Variants in RASGRP3 observed in about 807,000 individuals in gnomAD.
RASGRP3 encodes the protein ras guanyl-releasing protein 3.
RASGRP3 carries 54 observed loss-of-function variants against 82.7 expected under a neutral mutation model. That is an observed-to-expected ratio of 0.65 (90% confidence interval 0.52 to 0.82). The LOEUF is 0.82. Ranked by LOEUF, RASGRP3 falls within the 40% of genes least tolerant of loss-of-function variation. The pLI is 0.00. For missense variants in RASGRP3, 861 were observed against 828.9 expected (o/e 1.04, Z -0.48); for synonymous variants, 309 against 300.5 (o/e 1.03, Z -0.29).
chr2:33,561,131 A>G (rs919377297), intron 17 of RASGRP3, among the ~76,000 whole-genome samples: 9 of 151,630 alleles, frequency 5.9e-5, no homozygotes, highest in African/African-American at 2.2e-4. Context: ...CAGTGGCACA[A>G]TCTTAGCTCA....
rs545788438 is a variant in RASGRP3, at chr2:33,527,813, G to A, written c.1083+401G>A. 3.4e-4 allele frequency among the ~76,000 whole-genome samples: 52 copies of A among 152,302 alleles called. 1 individual carries two copies. The highest frequency in any genetic ancestry group is 2.7e-3 in the Admixed American group (42 of 15,302). ...TTGGCTGAAGCCTGGAGTAATGCAA[G>A]GACCTTATCTGTGATCCCCCTGTTC... On this transcript the variant is annotated intron_variant, in intron 10 of 17. Transcript: ENST00000403687.
intron 1 of RASGRP3, among the ~76,000 whole-genome samples, chr2:33,446,835 A>G (rs939426476): frequency 7.2e-5 from 11 of 151,984 alleles, no homozygotes; most frequent in African/African-American, 2.7e-4. Flanking sequence ...TTAAAAAAAT[A>G]TATCAATAGA....
At chr2:33,499,182 A>G (rs1475514666) in intron 1 of RASGRP3, among the ~76,000 whole-genome samples, 1 of 152,112 alleles carries the variant, frequency 6.6e-6, no homozygotes, top group African/African-American at 2.4e-5. Context: ...TCCTAGCCCA[A>G]TCCTGGACAG....
At position 33,522,003 on chromosome 2, in the gene RASGRP3, C is replaced by A; in HGVS notation, c.417C>A (p.Ser139=). 6.2e-7 allele frequency: 1 copy of A among 1,613,834 alleles called. No individual in the cohort carries two copies. The highest frequency in any genetic ancestry group is 8.5e-7 in the Non-Finnish European group (1 of 1,179,816). ...GAGTCACACAGAGGAAAAAAGTATC[C>A]AAGAAGGGAAAAGCCTGTCTGCTGT... ...MRRVTQRKKV[S]KKGKACLLFD... is the part of the protein sequence containing the mutation. Residue 139 remains serine, a synonymous_variant, in exon 7 of 18, where the codon TCC becomes TCA. Transcript: ENST00000403687.
At chr2:33,487,038 G>T (rs908653106) in intron 1 of RASGRP3, among the ~76,000 whole-genome samples, 1 of 152,004 alleles carries the variant, frequency 6.6e-6, no homozygotes. Context: ...TCAATTCATG[G>T]TCATTCTTAT....
chr2:33,499,429 C>G (rs776117317), intron 1 of RASGRP3, among the ~76,000 whole-genome samples: 1 of 151,970 alleles, frequency 6.6e-6, no homozygotes, highest in African/African-American at 2.4e-5. Flanking sequence ...TGTGGTGGTG[C>G]GCACATGTGG....
intron 3 of RASGRP3, 34 bp downstream of exon 3, chr2:33,515,240 T>A (rs985834345): frequency 6.2e-7 from 1 of 1,604,924 alleles, no homozygotes; most frequent in Admixed American, 1.7e-5. Context: ...CTCTTTTGGA[T>A]CTCTCGATGC....
chr2:33,497,759 G>A (rs1295330556), intron 1 of RASGRP3, among the ~76,000 whole-genome samples: 2 of 152,144 alleles, frequency 1.3e-5, no homozygotes, highest in Admixed American at 1.3e-4. Flanking sequence ...AAATTAGATT[G>A]TAAATTGATC....
intron 2 of RASGRP3, among the ~76,000 whole-genome samples, chr2:33,513,561 G>A (rs764715418): frequency 3.8e-4 from 58 of 152,296 alleles, no homozygotes; most frequent in Non-Finnish European, 7.6e-4. Flanking sequence ...AACAGCTCAC[G>A]AGATGAATCC....
intron 1 of RASGRP3, among the ~76,000 whole-genome samples, chr2:33,440,537 C>A (rs1665168425): frequency 6.6e-6 from 1 of 152,212 alleles, no homozygotes; most frequent in Non-Finnish European, 1.5e-5. Flanking sequence ...GTTGCTCATG[C>A]TAGAACCCAG....
intron 1 of RASGRP3, among the ~76,000 whole-genome samples, chr2:33,487,933 G>C (rs1668533154): frequency 1.3e-5 from 2 of 152,166 alleles, no homozygotes; most frequent in African/African-American, 2.4e-5. Context: ...GCAGACAGCA[G>C]TACACTTCAT....
chr2:33,466,792 A>T (rs1206814504), intron 2 of RASGRP3, among the ~76,000 whole-genome samples: 1 of 152,154 alleles, frequency 6.6e-6, no homozygotes, highest in East Asian at 1.9e-4. Context: ...AAGTTAAAAA[A>T]TTTTCCGTGA....
chr2:33,556,839 C>A lies in RASGRP3; in HGVS notation c.1579+1272C>A, dbSNP rs150371978. On this transcript the variant is annotated intron_variant, in intron 15 of 17. Transcript: ENST00000403687. The stretch of plus-strand genomic sequence containing the variant: ...CAAAGATACTGCAAGATCTTATTGC[C>A]CAGCAGTGAGTCATTAGTTTTATTC... 3.3e-3 allele frequency among the ~76,000 whole-genome samples: 494 copies of A among 150,152 alleles called. 1 individual carries two copies. The highest frequency in any genetic ancestry group is 0.011 in the African/African-American group (457 of 40,828).
At chr2:33,493,690 A>G (rs1669057287) in intron 1 of RASGRP3, among the ~76,000 whole-genome samples, 2 of 151,966 alleles carry the variant, frequency 1.3e-5, no homozygotes, top group South Asian at 4.2e-4. Flanking sequence ...CCGGCACCCA[A>G]CAGCCAGGGA....
intron 1 of RASGRP3, among the ~76,000 whole-genome samples, chr2:33,442,754 A>T (rs1177334448): frequency 6.6e-6 from 1 of 152,248 alleles, no homozygotes; most frequent in African/African-American, 2.4e-5. Flanking sequence ...GAAAACAATT[A>T]TGGGCAGACA....
chr2:33,554,161 C>T (rs1430981583), intron 14 of RASGRP3, among the ~76,000 whole-genome samples: 1 of 152,174 alleles, frequency 6.6e-6, no homozygotes, highest in Non-Finnish European at 1.5e-5. Flanking sequence ...TTTGTATACT[C>T]TTGAGTCACT....
At chr2:33,492,362 A>G (rs899825070) in intron 1 of RASGRP3, among the ~76,000 whole-genome samples, 17 of 152,288 alleles carry the variant, frequency 1.1e-4, no homozygotes, top group Admixed American at 6.5e-4. Context: ...TCCTAGAAAG[A>G]AGCCCATGGA....
intron 2 of RASGRP3, among the ~76,000 whole-genome samples, chr2:33,450,063 A>G (rs1665705875): frequency 6.6e-6 from 1 of 152,208 alleles, no homozygotes; most frequent in Non-Finnish European, 1.5e-5. Flanking sequence ...AATAGGGACT[A>G]GAGATTTACT....
intron 2 of RASGRP3, among the ~76,000 whole-genome samples, chr2:33,463,592 CTTTTTTTTTT>C (rs56748259): frequency 4.3e-5 from 3 of 70,232 alleles, no homozygotes; most frequent in Non-Finnish European, 8.0e-5. Flanking sequence ...CTCCTTCACT[CTTTTTTTTTT>C]TTTTTTTTTT....
Sources: allele counts gnomAD v4.1 joint callset (sites outside exome capture counted in the v4.1 genomes callset), GRCh38; gene constraint gnomAD v4.1.1; transcripts MANE v1.5; gene names NCBI Gene and HGNC (gene_info 2026-07-23, HGNC 2026-07-21).